The following RBFOX1 variants were observed in gnomAD, a reference collection of about 807,000 sequenced individuals.
The protein encoded by RBFOX1 is RNA binding fox-1 homolog 1.
Under a neutral mutation model 57.7 loss-of-function variants are expected in RBFOX1, and 8 were observed. That is an observed-to-expected ratio of 0.14 (90% CI 0.08 to 0.25). The LOEUF is 0.25. Ranked by LOEUF, RBFOX1 falls within the 10% of genes least tolerant of loss-of-function variation. The probability of loss-of-function intolerance (pLI) is 1.00; values close to 1 mark genes in which losing one functional copy is unlikely to be tolerated. For missense variants in RBFOX1, 611 were observed against 548.5 expected, an observed-to-expected ratio of 1.11 and a Z score of -1.14; for synonymous variants, 326 against 222.4, an observed-to-expected ratio of 1.47 and a Z score of -4.15.
At chr16:7,536,030 C>G (rs1405106285) in intron 5 of RBFOX1, among the ~76,000 whole-genome samples, 2 of 152,150 alleles carry the variant, frequency 1.3e-5, no homozygotes, top group African/African-American at 2.4e-5. Context: ...ACACAGAATA[C>G]ACACACACGT....
chr16:5,407,933 C>G (rs1023579091), intron 1 of RBFOX1, among the ~76,000 whole-genome samples: 4 of 152,248 alleles, frequency 2.6e-5, no homozygotes, highest in African/African-American at 9.6e-5. Flanking sequence ...GGCAAGATCA[C>G]TGCCCAGGAC....
At chr16:7,496,255 G>A (rs527749244) in intron 4 of RBFOX1, among the ~76,000 whole-genome samples, 2 of 152,264 alleles carry the variant, frequency 1.3e-5, no homozygotes, top group South Asian at 4.1e-4. Flanking sequence ...TGATTCTCTT[G>A]CCTCAGCCTC....
chr16:6,650,186 G>C (rs75839650), intron 2 of RBFOX1, among the ~76,000 whole-genome samples: 6,955 of 152,258 alleles, frequency 0.046, 210 homozygotes, highest in Non-Finnish European at 0.072. Context: ...CTTTTTAACA[G>C]CAGCTGATGC....
intron 4 of RBFOX1, chr16:7,423,090 AG>A (rs1458624855): frequency 5.8e-5 from 3 of 51,968 alleles, no homozygotes; most frequent in African/African-American, 2.6e-4. Context: ...AGAATGAGGG[AG>A]AAAGAGAGAG....
intron 4 of RBFOX1, among the ~76,000 whole-genome samples, chr16:7,266,133 C>T (rs1245136293): frequency 3.9e-5 from 6 of 151,988 alleles, no homozygotes; most frequent in African/African-American, 1.4e-4. Context: ...CGCCAATACA[C>T]CTGGCTAATT....
intron 3 of RBFOX1, among the ~76,000 whole-genome samples, chr16:6,729,746 G>C (rs536474957): frequency 6.6e-6 from 1 of 152,198 alleles, no homozygotes; most frequent in South Asian, 2.1e-4. Flanking sequence ...CTTGGGAGTT[G>C]GGTCTTAAAG....
chr16:6,841,311 G>C (rs191111399), intron 3 of RBFOX1, among the ~76,000 whole-genome samples: 2 of 152,296 alleles, frequency 1.3e-5, no homozygotes, highest in East Asian at 3.9e-4. Flanking sequence ...TTGTTTACAT[G>C]TTTGTGGTTT....
intron 3 of RBFOX1, among the ~76,000 whole-genome samples, chr16:5,815,754 C>T (rs1249763986): frequency 6.6e-6 from 1 of 152,148 alleles, no homozygotes; most frequent in African/African-American, 2.4e-5. Flanking sequence ...TAAATCACCC[C>T]ACGCTTCCGA....
chr16:5,534,345 A>G (rs2044608971), intron 2 of RBFOX1, among the ~76,000 whole-genome samples: 1 of 152,186 alleles, frequency 6.6e-6, no homozygotes, highest in African/African-American at 2.4e-5. Flanking sequence ...TCAGAAAGTG[A>G]AGTCCCCCAA....
chr16:5,566,124 C>T (rs1179207581), intron 2 of RBFOX1, among the ~76,000 whole-genome samples: 2 of 152,128 alleles, frequency 1.3e-5, no homozygotes, highest in African/African-American at 4.8e-5. Context: ...GTCCATTAAA[C>T]CTTTTTTTCT....
At chr16:5,523,513 G>T (rs541164461) in intron 2 of RBFOX1, among the ~76,000 whole-genome samples, 5 of 152,230 alleles carry the variant, frequency 3.3e-5, no homozygotes, top group South Asian at 4.1e-4. Context: ...CTACTAGGGA[G>T]GCTGAGGCAG....
At chr16:6,911,414 C>T (rs1230939930) in intron 3 of RBFOX1, among the ~76,000 whole-genome samples, 1 of 152,148 alleles carries the variant, frequency 6.6e-6, no homozygotes, top group Non-Finnish European at 1.5e-5. Flanking sequence ...ATGCCCCTCC[C>T]TGTGGTTGCT....
chr16:6,707,832 C>T (rs1330681498), intron 3 of RBFOX1, among the ~76,000 whole-genome samples: 1 of 152,176 alleles, frequency 6.6e-6, no homozygotes, highest in Non-Finnish European at 1.5e-5. Context: ...CCTTCTCCTT[C>T]CCCAAGCTCA....
At chr16:5,823,163 C>G (rs911780640) in intron 3 of RBFOX1, among the ~76,000 whole-genome samples, 1 of 152,146 alleles carries the variant, frequency 6.6e-6, no homozygotes, top group Non-Finnish European at 1.5e-5. Flanking sequence ...TGTGAGAGTC[C>G]TGGGCACATA....
chr16:7,444,682 C>T (rs117768508), intron 4 of RBFOX1, among the ~76,000 whole-genome samples: 1 of 152,012 alleles, frequency 6.6e-6, no homozygotes, highest in Non-Finnish European at 1.5e-5. Flanking sequence ...TAGGTGCACA[C>T]CACCACACCT....
At chr16:6,419,431 C>T (rs2093714484) in intron 2 of RBFOX1, among the ~76,000 whole-genome samples, 1 of 152,118 alleles carries the variant, frequency 6.6e-6, no homozygotes, top group African/African-American at 2.4e-5. Context: ...GTAGCAGCTG[C>T]TCAATAAACA....
chr16:7,054,545 T>TCGGGG (rs1555823212), intron 4 of RBFOX1, among the ~76,000 whole-genome samples: 1 of 108,404 alleles, frequency 9.2e-6, no homozygotes, highest in Non-Finnish European at 2.0e-5. Flanking sequence ...CAAACCTGGG[T>TCGGGG]GGGGGGGCAT....
chr16:7,257,543 C>G (rs1391154336), intron 4 of RBFOX1, among the ~76,000 whole-genome samples: 1 of 152,160 alleles, frequency 6.6e-6, no homozygotes, highest in African/African-American at 2.4e-5. Flanking sequence ...CCAGTAGAGA[C>G]CTCACTGTCT....
intron 4 of RBFOX1, among the ~76,000 whole-genome samples, chr16:7,278,809 A>C (rs1389835376): frequency 3.9e-5 from 6 of 152,242 alleles, no homozygotes; most frequent in African/African-American, 1.4e-4. Context: ...TTCATTCTGA[A>C]GATTAAAGCT....
Sources: allele counts gnomAD v4.1 joint callset (sites outside exome capture counted in the v4.1 genomes callset), GRCh38; gene constraint gnomAD v4.1.1; transcripts MANE v1.5; gene names NCBI Gene and HGNC (gene_info 2026-07-23, HGNC 2026-07-21).